The following TMOD3 variants were observed in gnomAD, a reference collection of about 807,000 sequenced individuals.
The protein encoded by TMOD3 is tropomodulin-3.
Under a neutral mutation model 39.2 loss-of-function variants are expected in TMOD3, and 20 were observed. The observed-to-expected ratio is 0.51, with a 90% CI of 0.36 to 0.74. The LOEUF (loss-of-function observed/expected upper bound fraction) is 0.74. Ranked by LOEUF, TMOD3 falls within the 30% of genes least tolerant of loss-of-function variation. The pLI is 0.00. For missense variants in TMOD3, 381 were observed against 412.8 expected, an observed-to-expected ratio of 0.92 and a Z score of 0.67; for synonymous variants, 143 against 145.8, an observed-to-expected ratio of 0.98 and a Z score of 0.14.
At chr15:51,907,700 C>T (rs1331669869) in intron 9 of TMOD3, among the ~76,000 whole-genome samples, 3 of 152,194 alleles carry the variant, frequency 2.0e-5, no homozygotes, top group Non-Finnish European at 2.9e-5. Context: ...CTCTAGGAGC[C>T]GGCCACAATG....
Position 51,885,548 on chromosome 15 carries a change from C to T in TMOD3, c.284-2041C>T, listed in dbSNP as rs567785867. On this transcript the variant is annotated intron_variant, in intron 3 of 9. Transcript: ENST00000308580. Reference sequence around the variant, plus strand: ...TTAACAAAGCACATCTTGCACCGCCCTTAATCCATTTAACCCTGAGTGGAC... The same window carrying T: ...TTAACAAAGCACATCTTGCACCGCCTTTAATCCATTTAACCCTGAGTGGAC... Among the ~76,000 whole-genome samples the T allele has an allele frequency of 4.6e-5, 7 of 152,284 alleles. No individual in the cohort carries two copies. In the South Asian group the frequency reaches 1.5e-3, roughly 32 times the overall value.
chr15:51,901,227 G>A (rs771411544), intron 8 of TMOD3: 2 of 152,294 alleles, frequency 1.3e-5, no homozygotes, highest in Non-Finnish European at 2.9e-5. Flanking sequence ...TTTGGGGTGT[G>A]TCCACATACG....
In TMOD3 at chr15:51,911,609, C is replaced by T. The variant is rs1045869335; in HGVS notation, c.*2799C>T. Reference sequence around the variant, plus strand: ...TGAGACCTTAGGTTTTGTAGTCTAACCAGCTTATGTGGTTATTTAAAAGAA... The same window carrying T: ...TGAGACCTTAGGTTTTGTAGTCTAATCAGCTTATGTGGTTATTTAAAAGAA... On this transcript the variant is annotated 3_prime_UTR_variant, in exon 10 of 10. Transcript: ENST00000308580. 3.9e-5 allele frequency: 6 copies of T among 152,060 alleles called. No individual in the cohort carries two copies. Among genetic ancestry groups the T allele is most frequent in the African/African-American group, 1.2e-4 (5 of 41,404 alleles). 9.4% of individuals were successfully genotyped at this position (152,060 alleles called of 1,614,324 possible).
chr15:51,875,829 A>G (rs112477841), intron 3 of TMOD3, among the ~76,000 whole-genome samples: 2,704 of 152,078 alleles, frequency 0.018, 82 homozygotes, highest in East Asian at 0.074. Flanking sequence ...TGTGTTAGCC[A>G]GGATGTTCGC....
At chr15:51,834,527 T>C (rs1283769349) in intron 1 of TMOD3, among the ~76,000 whole-genome samples, 1 of 152,150 alleles carries the variant, frequency 6.6e-6, no homozygotes, top group African/African-American at 2.4e-5. Context: ...CAACATAGGT[T>C]TAAGAAAAAC....
intron 3 of TMOD3, among the ~76,000 whole-genome samples, chr15:51,879,122 G>A (rs2056519887): frequency 6.6e-6 from 1 of 152,148 alleles, no homozygotes; most frequent in Non-Finnish European, 1.5e-5. Flanking sequence ...TCTTGGCACA[G>A]GATATTTCTT....
intron 3 of TMOD3, among the ~76,000 whole-genome samples, chr15:51,886,511 C>T (rs1429254922): frequency 6.6e-6 from 1 of 152,092 alleles, no homozygotes; most frequent in Non-Finnish European, 1.5e-5. Context: ...CCAAAGAATA[C>T]AAAAACCAGT....
At chr15:51,898,556 A>C (rs2056633028) in intron 7 of TMOD3, among the ~76,000 whole-genome samples, 1 of 152,216 alleles carries the variant, frequency 6.6e-6, no homozygotes, top group African/African-American at 2.4e-5. Context: ...CTAATCAAAT[A>C]ATAGACCATC....
intron 9 of TMOD3, among the ~76,000 whole-genome samples, chr15:51,906,796 G>A (rs200552229): frequency 6.6e-6 from 1 of 152,060 alleles, no homozygotes; most frequent in Non-Finnish European, 1.5e-5. Flanking sequence ...TGAGGCAGGC[G>A]GATCACCTGA....
At chr15:51,866,086 A>G (rs2056444215) in intron 2 of TMOD3, among the ~76,000 whole-genome samples, 1 of 152,194 alleles carries the variant, frequency 6.6e-6, no homozygotes, top group Admixed American at 6.5e-5. Flanking sequence ...TTACTTGATT[A>G]GAACATATTT....
chr15:51,860,409 A>G, intron 1 of TMOD3: 1 of 547,220 alleles, frequency 1.8e-6, no homozygotes, highest in South Asian at 1.4e-5. Context: ...TTCCTTCCTC[A>G]GTTTTTCAGC....
At position 51,854,996 on chromosome 15, in the gene TMOD3, A is replaced by G. The variant is rs1426655573; in HGVS notation, c.-74-7815A>G. On this transcript the variant is annotated intron_variant, in intron 1 of 9. Transcript: ENST00000308580. ...AAAGGAAGATGGTAAATGGAAGAAG[A>G]CTTGGCCAAAAATATACCAGGAGTT... 3.3e-5 allele frequency among the ~76,000 whole-genome samples: 5 copies of G among 152,350 alleles called. 1 individual carries two copies. In the East Asian group the frequency reaches 7.7e-4, roughly 23 times the overall value.
intron 2 of TMOD3, among the ~76,000 whole-genome samples, chr15:51,868,370 A>G (rs1166128140): frequency 6.6e-6 from 1 of 152,130 alleles, no homozygotes; most frequent in Non-Finnish European, 1.5e-5. Context: ...AACTTGTGTC[A>G]TGGGGGTTTG....
chr15:51,888,264 T>C (rs944820439), intron 4 of TMOD3, among the ~76,000 whole-genome samples: 1 of 152,176 alleles, frequency 6.6e-6, no homozygotes, highest in African/African-American at 2.4e-5. Flanking sequence ...CTTTCCTAGA[T>C]AGAAAAGTGT....
At chr15:51,889,014 C>T (rs1182319547) in intron 4 of TMOD3, 42 bp from the exon 5 acceptor site, 5 of 1,313,322 alleles carry the variant, frequency 3.8e-6, no homozygotes, top group Non-Finnish European at 5.3e-6. Flanking sequence ...TAAAACTCTT[C>T]ATGTTTAAAA....
intron 1 of TMOD3, chr15:51,861,114 T>C (rs2056415871): frequency 1.9e-5 from 10 of 538,920 alleles, no homozygotes; most frequent in South Asian, 1.5e-4. Flanking sequence ...ATTAATTTCA[T>C]GTTGAACATA....
chr15:51,857,067 A>G (rs972600353), intron 1 of TMOD3, among the ~76,000 whole-genome samples: 9 of 152,240 alleles, frequency 5.9e-5, no homozygotes, highest in African/African-American at 2.2e-4. Flanking sequence ...AAAAGAAAGT[A>G]GTATAGCTCT....
chr15:51,865,131 C>T (rs923886931), intron 2 of TMOD3, among the ~76,000 whole-genome samples: 4 of 152,092 alleles, frequency 2.6e-5, no homozygotes, highest in African/African-American at 9.7e-5. Flanking sequence ...GGACTACAGG[C>T]AAGCACCACT....
At chr15:51,895,699 G>A (rs768614867) in intron 6 of TMOD3, among the ~76,000 whole-genome samples, 1 of 152,104 alleles carries the variant, frequency 6.6e-6, no homozygotes, top group Non-Finnish European at 1.5e-5. Context: ...GTGCTTTGTA[G>A]CTTAAACTAA....
Sources: gnomAD v4.1 joint callset for allele counts (sites outside exome capture counted in the v4.1 genomes callset) on GRCh38, gnomAD v4.1.1 for gene constraint, MANE v1.5 for transcripts, NCBI Gene and HGNC (gene_info 2026-07-23, HGNC 2026-07-21) for gene names.